Variants in VPS13B observed in about 807,000 individuals in gnomAD.
The protein encoded by VPS13B is vacuolar protein sorting 13 homolog B.
In VPS13B, 285 loss-of-function variants were observed where a neutral mutation model predicts 426.4. That is an observed-to-expected ratio of 0.67 (90% CI 0.61 to 0.74). The LOEUF is 0.74. Among genes scored for constraint, VPS13B ranks in the 30% least tolerant of loss-of-function variants. VPS13B has a pLI of 0.00. For missense variants in VPS13B, 4,537 were observed against 4,782.6 expected, an observed-to-expected ratio of 0.95 and a Z score of 1.51; for synonymous variants, 1,676 against 1,676.4, an observed-to-expected ratio of 1.00 and a Z score of 0.01.
intron 40 of VPS13B, among the ~76,000 whole-genome samples, chr8:99,774,119 A>C (rs1258424648): frequency 2.0e-5 from 3 of 152,208 alleles, no homozygotes; most frequent in African/African-American, 7.2e-5. Flanking sequence ...AATATCAAAA[A>C]CTATAAATGT....
At chr8:99,434,981 A>G (rs1408838854) in intron 22 of VPS13B, among the ~76,000 whole-genome samples, 1 of 152,206 alleles carries the variant, frequency 6.6e-6, no homozygotes, top group African/African-American at 2.4e-5. Flanking sequence ...AAGAGACATA[A>G]TAGTTGTCAT....
intron 17 of VPS13B, among the ~76,000 whole-genome samples, chr8:99,265,073 C>A (rs1394752944): frequency 4.6e-5 from 7 of 152,010 alleles, no homozygotes; most frequent in Admixed American, 4.6e-4. Context: ...TTTCTTATTG[C>A]AGTATCTTCT....
chr8:99,802,306 T>G (rs1021967284), intron 43 of VPS13B, among the ~76,000 whole-genome samples: 5 of 152,154 alleles, frequency 3.3e-5, no homozygotes, highest in East Asian at 1.9e-4. Context: ...GAACTGAAGA[T>G]CATGTCACCC....
At chr8:99,370,701 C>T (rs886965043) in intron 19 of VPS13B, among the ~76,000 whole-genome samples, 12 of 150,156 alleles carry the variant, frequency 8.0e-5, no homozygotes, top group African/African-American at 3.0e-4. Context: ...CATCTGCCTC[C>T]AGAGTTCAAG....
At chr8:99,491,548 C>G (rs1426367859) in intron 25 of VPS13B, among the ~76,000 whole-genome samples, 7 of 152,152 alleles carry the variant, frequency 4.6e-5, no homozygotes. Context: ...TTCTTGGAGG[C>G]TTTGTTCCTT....
intron 36 of VPS13B, among the ~76,000 whole-genome samples, chr8:99,714,342 C>A (rs897517100): frequency 6.6e-6 from 1 of 151,998 alleles, no homozygotes; most frequent in African/African-American, 2.4e-5. Flanking sequence ...GAAGGGACAG[C>A]TGTAGTATAT....
intron 19 of VPS13B, among the ~76,000 whole-genome samples, chr8:99,304,129 G>A (rs976255575): frequency 2.2e-4 from 34 of 152,190 alleles, no homozygotes; most frequent in African/African-American, 8.2e-4. Flanking sequence ...GGTGAAATGG[G>A]TATAATTATA....
rs1026091671 is a variant in VPS13B at position 99,611,908 on chromosome 8, A to G, written c.5221-29903A>G. On this transcript the variant is annotated intron_variant, in intron 33 of 61. Transcript: ENST00000357162. ...GGACTCTGAGGACTAAAAATGATAA[A>G]GATGAAAATGATGACATTTATTGTA... 2.6e-5 allele frequency among the ~76,000 whole-genome samples: 4 copies of G among 152,140 alleles called. No homozygotes were observed. In the East Asian group the frequency reaches 7.7e-4, roughly 29 times the overall value.
At chr8:99,503,751 A>G (rs1347981919) in intron 27 of VPS13B, among the ~76,000 whole-genome samples, 1 of 152,158 alleles carries the variant, frequency 6.6e-6, no homozygotes, top group Non-Finnish European at 1.5e-5. Flanking sequence ...TCTTGGTCTC[A>G]CATTGTTTTC....
At chr8:99,471,239 G>A (rs1306326786) in intron 24 of VPS13B, among the ~76,000 whole-genome samples, 1 of 152,034 alleles carries the variant, frequency 6.6e-6, no homozygotes, top group Non-Finnish European at 1.5e-5. Flanking sequence ...ATAAATGGCT[G>A]GGTAAATATA....
intron 2 of VPS13B, among the ~76,000 whole-genome samples, chr8:99,016,196 C>T (rs920787660): frequency 1.3e-5 from 2 of 152,150 alleles, no homozygotes; most frequent in African/African-American, 4.8e-5. Flanking sequence ...CATAAACATT[C>T]CAGTACATCT....
intron 6 of VPS13B, among the ~76,000 whole-genome samples, chr8:99,115,088 T>C (rs766863646): frequency 6.6e-6 from 1 of 152,212 alleles, no homozygotes; most frequent in Non-Finnish European, 1.5e-5. Flanking sequence ...ACTTTTGTTA[T>C]TTAAATCTTA....
At chr8:99,724,401 A>C (rs1301306005) in intron 39 of VPS13B, among the ~76,000 whole-genome samples, 1 of 152,168 alleles carries the variant, frequency 6.6e-6, no homozygotes, top group East Asian at 1.9e-4. Context: ...AAAATCCTCA[A>C]CAGCTGATCC....
chr8:99,749,958 G>A (rs956850878), intron 39 of VPS13B, among the ~76,000 whole-genome samples: 24 of 151,922 alleles, frequency 1.6e-4, no homozygotes, highest in African/African-American at 4.6e-4. Context: ...TGAACAAAAC[G>A]TATTATACAC....
At chr8:99,847,594 C>G (rs1816047438) in intron 54 of VPS13B, among the ~76,000 whole-genome samples, 1 of 152,118 alleles carries the variant, frequency 6.6e-6, no homozygotes, top group African/African-American at 2.4e-5. Flanking sequence ...AAGAAGGCAG[C>G]AGTGGAAGAA....
intron 21 of VPS13B, among the ~76,000 whole-genome samples, chr8:99,419,862 A>C (rs1816275711): frequency 6.6e-6 from 1 of 152,204 alleles, no homozygotes; most frequent in Non-Finnish European, 1.5e-5. Context: ...GCAAGGCATT[A>C]TACTACTGCT....
At chr8:99,234,054 C>G in intron 17 of VPS13B, 1 of 775,178 alleles carries the variant, frequency 1.3e-6, no homozygotes, top group Non-Finnish European at 2.4e-6. Context: ...GGATCCGCAG[C>G]GGGAAATCAG....
At chr8:99,755,800 A>G (rs2130564821) in intron 39 of VPS13B, among the ~76,000 whole-genome samples, 1 of 152,058 alleles carries the variant, frequency 6.6e-6, no homozygotes, top group East Asian at 1.9e-4. Context: ...TAAACAAATA[A>G]GCAAACCCTG....
At chr8:99,663,116 T>C (rs1371184768) in intron 35 of VPS13B, among the ~76,000 whole-genome samples, 1 of 152,118 alleles carries the variant, frequency 6.6e-6, no homozygotes, top group Admixed American at 6.5e-5. Flanking sequence ...TCTCTAGCAA[T>C]ACCCCGCAAG....
Sources: gnomAD v4.1 joint callset for allele counts (sites outside exome capture counted in the v4.1 genomes callset) on GRCh38, gnomAD v4.1.1 for gene constraint, MANE v1.5 for transcripts, NCBI Gene and HGNC (gene_info 2026-07-23, HGNC 2026-07-21) for gene names.